The following SLC7A11 variants were observed in gnomAD, a reference collection of about 807,000 sequenced individuals.
SLC7A11 encodes the protein solute carrier family 7 member 11.
SLC7A11 carries 35 observed loss-of-function variants against 54.5 expected under a neutral mutation model. The observed-to-expected ratio is 0.64, with a 90% confidence interval of 0.49 to 0.85. The LOEUF (loss-of-function observed/expected upper bound fraction) is 0.85. Ranked by LOEUF, SLC7A11 falls within the 40% of genes least tolerant of loss-of-function variation. SLC7A11 has a pLI of 0.00. For missense variants in SLC7A11, 583 were observed against 618.1 expected, an observed-to-expected ratio of 0.94 and a Z score of 0.60; for synonymous variants, 230 against 225.2, an observed-to-expected ratio of 1.02 and a Z score of -0.19.
At chr4:138,174,851 T>G (rs1243613871) in intron 11 of SLC7A11, 1 of 152,210 alleles carries the variant, frequency 6.6e-6, no homozygotes, top group East Asian at 1.9e-4. Context: ...TGTTCAGTAG[T>G]TATTCTTGAA....
At position 138,219,303 on chromosome 4, in the gene SLC7A11, G is replaced by A. The variant is rs1737750690; in HGVS notation, c.709C>T (p.Leu237=). The part of the protein sequence containing the change: ...GRDSSITRLP[L]AFYYGMYAYA... The stretch of plus-strand genomic sequence containing the variant: ...GCATACATTCCATAATAAAAAGCCA[G>A]TGGCAACCGCGTAATACTTGAATCT... The change falls in exon 5 of 12, where the codon CTG becomes TTG. Residue 237 remains leucine, a synonymous_variant. Coordinates refer to ENST00000280612, the MANE Select transcript of SLC7A11 (RefSeq NM_014331.4). 6.2e-7 allele frequency: 1 copy of A among 1,611,054 alleles called. No homozygotes were observed. The highest frequency in any genetic ancestry group is 8.5e-7 in the Non-Finnish European group (1 of 1,177,408).
At position 138,165,906 on chromosome 4, in the gene SLC7A11, G is replaced by A. The variant is rs1199218048; in HGVS notation, c.*6050C>T. 6.6e-6 allele frequency: 1 copy of A among 152,130 alleles called. No homozygotes were observed. The highest frequency in any genetic ancestry group is 1.5e-5 in the Non-Finnish European group (1 of 68,020). 9.4% of individuals were successfully genotyped at this position (152,130 alleles called of 1,614,324 possible). On this transcript the variant is annotated 3_prime_UTR_variant, in exon 12 of 12. Coordinates refer to ENST00000280612, the MANE Select transcript of SLC7A11 (RefSeq NM_014331.4). ...TACTTAAAATTGTTGGAGAATTCTG[G>A]TTGTTTGTGCAATAATCATAGTGAT...
chr4:138,178,758 T>G (rs1302641474), intron 11 of SLC7A11, among the ~76,000 whole-genome samples: 2 of 152,176 alleles, frequency 1.3e-5, no homozygotes, highest in Non-Finnish European at 2.9e-5. Flanking sequence ...TAATCCTTCA[T>G]GAGTCACCCT....
At chr4:138,231,476 T>C (rs1466820056) in intron 3 of SLC7A11, among the ~76,000 whole-genome samples, 1 of 152,178 alleles carries the variant, frequency 6.6e-6, no homozygotes, top group Non-Finnish European at 1.5e-5. Flanking sequence ...GTTATTCCTG[T>C]GTAGCTTTCT....
chr4:138,212,957 C>A (rs1437873482), intron 6 of SLC7A11, among the ~76,000 whole-genome samples: 1 of 151,748 alleles, frequency 6.6e-6, no homozygotes, highest in African/African-American at 2.4e-5. Flanking sequence ...AGTTACGAAC[C>A]ATAGTAATTT....
intron 6 of SLC7A11, among the ~76,000 whole-genome samples, chr4:138,196,042 A>T (rs1313339443): frequency 2.0e-5 from 3 of 152,202 alleles, no homozygotes; most frequent in Non-Finnish European, 4.4e-5. Context: ...GAAGATAGAA[A>T]GTTAAGAGGC....
intron 11 of SLC7A11, among the ~76,000 whole-genome samples, chr4:138,173,012 T>C (rs775713752): frequency 1.3e-5 from 2 of 151,964 alleles, no homozygotes; most frequent in Non-Finnish European, 2.9e-5. Context: ...TCCGGCTAAT[T>C]TTGTATTTTT....
chr4:138,229,828 T>G (rs1435510625), intron 3 of SLC7A11, among the ~76,000 whole-genome samples: 2 of 152,226 alleles, frequency 1.3e-5, no homozygotes, highest in African/African-American at 4.8e-5. Flanking sequence ...TTTATAAATG[T>G]TTACATGCAA....
In SLC7A11 at chr4:138,171,103, G is replaced by A. The variant is rs1198331370; in HGVS notation, c.*853C>T. The A allele has an allele frequency of 1.3e-5, 2 of 152,000 alleles. No homozygotes were observed. The highest frequency in any genetic ancestry group is 2.4e-5 in the African/African-American group (1 of 41,388). 9.4% of individuals were successfully genotyped at this position (152,000 alleles called of 1,614,324 possible). Reference sequence around the variant, plus strand: ...TGAAGGCTTAAAATGCATATGTTTAGATAGACTCATCAGGGGTAAGTTATT... The same window carrying A: ...TGAAGGCTTAAAATGCATATGTTTAAATAGACTCATCAGGGGTAAGTTATT... On this transcript the variant is annotated 3_prime_UTR_variant, in exon 12 of 12. Transcript: ENST00000280612.
intron 6 of SLC7A11, among the ~76,000 whole-genome samples, chr4:138,205,555 C>T (rs1049990352): frequency 5.9e-5 from 9 of 152,048 alleles, no homozygotes; most frequent in Admixed American, 2.0e-4. Flanking sequence ...CAGTGAGAAT[C>T]TTAAACAACA....
chr4:138,172,122 T>TCTA, intron 11 of SLC7A11, 105 bp from the exon 12 acceptor site: 1 of 1,155,066 alleles, frequency 8.7e-7, no homozygotes, highest in South Asian at 1.7e-5. Context: ...CACACAACTG[T>TCTA]CTACTTCATA....
chr4:138,235,407 T>TAA lies in SLC7A11; in HGVS notation c.404+916_404+917dup, dbSNP rs77293413. ...ACTACTTTGAAGATCTTTTTTTGGT[T>TAA]AAAAAAAAAAAGACTTCTAACACTG... On this transcript the variant is annotated intron_variant, in intron 2 of 11. Coordinates refer to ENST00000280612, the MANE Select transcript of SLC7A11 (RefSeq NM_014331.4). 5.4e-5 allele frequency among the ~76,000 whole-genome samples: 8 copies of TAA among 147,960 alleles called. No individual in the cohort carries two copies. In the East Asian group the frequency reaches 9.8e-4, roughly 18 times the overall value.
chr4:138,216,218 C>T (rs1737677700), intron 5 of SLC7A11, among the ~76,000 whole-genome samples: 1 of 152,110 alleles, frequency 6.6e-6, no homozygotes, highest in Non-Finnish European at 1.5e-5. Context: ...CATTCCAATA[C>T]CCAACTATGT....
In SLC7A11 at chr4:138,232,278, G is replaced by A. The variant is rs763726231; in HGVS notation, c.509C>T (p.Ala170Val). ...IPELAIKLIT[A>V]VGITVVMVLN... ...GCTATAATACTCACTTATGCCCACAGCTGTAATGAGCTTGATCGCAAGTTC... is the reference window on the plus strand; with the variant it reads ...GCTATAATACTCACTTATGCCCACAACTGTAATGAGCTTGATCGCAAGTTC... Residue 170 changes from alanine to valine, a missense_variant, in exon 3 of 12, where the codon GCT becomes GTT. By Grantham distance (64) the Ala-to-Val change is moderately conservative. Transcript: ENST00000280612. 1 of 1,599,806 alleles carries A rather than the reference G, an allele frequency of 6.3e-7. No individual in the cohort carries two copies. Among genetic ancestry groups the A allele is most frequent in the Non-Finnish European group, 8.6e-7 (1 of 1,166,980 alleles).
chr4:138,222,675 A>G (rs890407492), intron 4 of SLC7A11, among the ~76,000 whole-genome samples: 1 of 152,202 alleles, frequency 6.6e-6, no homozygotes, highest in Non-Finnish European at 1.5e-5. Context: ...AGTTTTTACA[A>G]CTATTTTATT....
intron 1 of SLC7A11, among the ~76,000 whole-genome samples, chr4:138,237,518 G>A (rs901873319): frequency 2.0e-5 from 3 of 147,064 alleles, no homozygotes; most frequent in African/African-American, 7.5e-5. Flanking sequence ...CTGCCTCAGG[G>A]TCCCGAATAG....
At chr4:138,179,721 G>C (rs1736674357) in intron 10 of SLC7A11, among the ~76,000 whole-genome samples, 1 of 152,098 alleles carries the variant, frequency 6.6e-6, no homozygotes, top group Admixed American at 6.6e-5. Flanking sequence ...ATGATTTATG[G>C]TTTTGATTTT....
chr4:138,204,631 T>A (rs1737362763), intron 6 of SLC7A11, among the ~76,000 whole-genome samples: 1 of 151,948 alleles, frequency 6.6e-6, no homozygotes, highest in African/African-American at 2.4e-5. Flanking sequence ...AATAGGTGAC[T>A]TCAGTAGAAA....
At chr4:138,211,302 C>T (rs1737542371) in intron 6 of SLC7A11, among the ~76,000 whole-genome samples, 1 of 151,770 alleles carries the variant, frequency 6.6e-6, no homozygotes, top group South Asian at 2.1e-4. Context: ...ATGCCCCATA[C>T]CCAACAGTAA....
Sources: gnomAD v4.1 joint callset for allele counts (sites outside exome capture counted in the v4.1 genomes callset) on GRCh38, gnomAD v4.1.1 for gene constraint, MANE v1.5 for transcripts, NCBI Gene and HGNC (gene_info 2026-07-23, HGNC 2026-07-21) for gene names.